Variants in FBLN1 observed in about 807,000 individuals in gnomAD.
FBLN1 encodes fibulin-1.
A neutral mutation model predicts 89.7 loss-of-function variants in FBLN1; 34 were observed. The observed-to-expected ratio is 0.38, with a 90% CI of 0.29 to 0.50. The LOEUF (loss-of-function observed/expected upper bound fraction) is 0.50. Ranked by LOEUF, FBLN1 falls within the 20% of genes least tolerant of loss-of-function variation. The probability of loss-of-function intolerance (pLI) is 0.92; values close to 1 mark genes in which losing one functional copy is unlikely to be tolerated. For synonymous variants in FBLN1, 393 were observed against 391.3 expected (o/e 1.00, Z -0.05); for missense variants, 777 against 988.1 (o/e 0.79, Z 2.86).
At chr22:45,523,636 G>A (rs563353271) in intron 2 of FBLN1, among the ~76,000 whole-genome samples, 5 of 152,250 alleles carry the variant, frequency 3.3e-5, no homozygotes, top group East Asian at 1.9e-4. Context: ...CCCAGGAAGC[G>A]GAGGTTGCAG....
At chr22:45,593,884 G>C (rs1481446230) in intron 16 of FBLN1, among the ~76,000 whole-genome samples, 2 of 152,200 alleles carry the variant, frequency 1.3e-5, no homozygotes, top group Non-Finnish European at 2.9e-5. Flanking sequence ...GCCTGCCAGG[G>C]CCTGGGTTGG....
intron 1 of FBLN1, chr22:45,517,735 T>C (rs1232508833): frequency 2.3e-6 from 1 of 426,882 alleles, no homozygotes; most frequent in African/African-American, 2.1e-5. Context: ...AGCCTCGGTT[T>C]CCTCAATCTG....
chr22:45,563,177 C>G lies in FBLN1; in HGVS notation c.1698-11334C>G. The G allele has an allele frequency of 6.2e-7, 1 of 1,613,762 alleles. No homozygotes were observed. Among genetic ancestry groups the G allele is most frequent in the Non-Finnish European group, 8.5e-7 (1 of 1,180,022 alleles). On this transcript the variant is annotated intron_variant, in intron 14 of 16. Transcript: ENST00000327858. The surrounding 1 kb of genome is among the most constrained non-coding windows in gnomAD (Gnocchi z 5.7). ...GCCTGTCCCCGAGCCCAGGGACTTG[C>G]TCCTGACCGTCAAGATGGATCTCTC... is the stretch of plus-strand genomic sequence containing the variant.
At chr22:45,587,605 C>T (rs996716874) in intron 16 of FBLN1, among the ~76,000 whole-genome samples, 1 of 152,014 alleles carries the variant, frequency 6.6e-6, no homozygotes, top group South Asian at 2.1e-4. Context: ...CTCAGGGATG[C>T]GTGGGCTCCA....
intron 14 of FBLN1, among the ~76,000 whole-genome samples, chr22:45,570,547 G>A (rs147176306): frequency 1.7e-3 from 256 of 152,050 alleles, no homozygotes; most frequent in African/African-American, 5.8e-3. Context: ...AGAACAACAA[G>A]TTTTAAAAAT....
chr22:45,564,733 A>G, intron 14 of FBLN1: 2 of 907,276 alleles, frequency 2.2e-6, no homozygotes, highest in Admixed American at 2.0e-5. Context: ...GGTCTATCTC[A>G]TTCAGTGCGG....
At position 45,537,296 on chromosome 22, in the gene FBLN1, A is replaced by G. The variant is rs2088494876; in HGVS notation, c.922+1959A>G. Among the ~76,000 whole-genome samples the G allele has an allele frequency of 6.6e-6, 1 of 152,180 alleles. No individual in the cohort carries two copies. The highest frequency in any genetic ancestry group is 6.5e-5 in the Admixed American group (1 of 15,286). ...GGAGAGAGAGCTCTTCCCCCACTGCATTATTTTTAACCACTGAGATATTTA... is the reference window on the plus strand; with the variant it reads ...GGAGAGAGAGCTCTTCCCCCACTGCGTTATTTTTAACCACTGAGATATTTA... On this transcript the variant is annotated intron_variant, in intron 8 of 16. Coordinates refer to ENST00000327858, the MANE Select transcript of FBLN1 (RefSeq NM_006486.3). This position sits in a 1 kb window ranked among gnomAD's most constrained non-coding sequence, Gnocchi z 5.7.
At position 45,577,152 on chromosome 22, in the gene FBLN1, C is replaced by G; in HGVS notation, c.1972+44C>G. On this transcript the variant is annotated intron_variant, in intron 16 of 16. Transcript: ENST00000327858. This position sits in a 1 kb window ranked among gnomAD's most constrained non-coding sequence, Gnocchi z 6.6. ...CAGCTCTATCCAGGCACCCCTCCCC[C>G]TCCACCCCGAAACCCTCTCTGGCCC... is the stretch of plus-strand genomic sequence containing the variant. 6.2e-7 allele frequency: 1 copy of G among 1,609,972 alleles called. No individual in the cohort carries two copies. Among genetic ancestry groups the G allele is most frequent in the Admixed American group, 1.7e-5 (1 of 60,010 alleles).
intron 2 of FBLN1, among the ~76,000 whole-genome samples, chr22:45,519,865 GGTT>G (rs1226030918): frequency 7.9e-5 from 12 of 151,434 alleles, no homozygotes; most frequent in African/African-American, 2.9e-4. Context: ...TCCTTTCTGG[GGTT>G]GTTATAATGA....
chr22:45,522,576 G>A (rs1389131604), intron 2 of FBLN1, among the ~76,000 whole-genome samples: 3 of 152,202 alleles, frequency 2.0e-5, no homozygotes, highest in Non-Finnish European at 4.4e-5. Context: ...CTGTAGCCAA[G>A]CAGGGGTTAA....
rs2088169743 is a variant in FBLN1, at chr22:45,516,355, G to A, written c.80-2327G>A. ...CAGGGGAGAGCAGCCTCGCTGTCAG[G>A]CCACATGGCTGGATCACATCCTGTT... On this transcript the variant is annotated intron_variant, in intron 1 of 16. Coordinates refer to ENST00000327858, the MANE Select transcript of FBLN1 (RefSeq NM_006486.3). Among the ~76,000 whole-genome samples the A allele has an allele frequency of 2.0e-5, 3 of 152,298 alleles. No individual in the cohort carries two copies. In the South Asian group the frequency reaches 6.2e-4, roughly 32 times the overall value.
Position 45,600,413 on chromosome 22 carries a change from C to T in FBLN1, c.2079C>T (p.Asn693=), listed in dbSNP as rs61739202. ...GGVVSHRNVV[N]VHIFVSEYWF ...TGGTCTCCCACCGAAATGTTGTCAA[C>T]GTCCACATCTTCGTCTCTGAGTACT... The change falls in exon 17 of 17, where the codon AAC becomes AAT. Residue 693 remains asparagine (N), a synonymous_variant. Transcript: ENST00000327858. 9,723 of 1,614,174 alleles carry T rather than the reference C, an allele frequency of 6.0e-3. 434 individuals carry two copies. In the African/African-American group the frequency reaches 0.11, roughly 18 times the overall value.
chr22:45,541,372 G>C lies in FBLN1; in HGVS notation c.1066G>C (p.Asp356His). 1 of 1,614,206 alleles carries C rather than the reference G, an allele frequency of 6.2e-7. No individual in the cohort carries two copies. Among genetic ancestry groups the C allele is most frequent in the Non-Finnish European group, 8.5e-7 (1 of 1,180,040 alleles). The stretch of plus-strand genomic sequence containing the variant: ...CAACGAGGAGGGAACGCGCTGTGTT[G>C]GTTGGTATTAAGAAAACAAATCTGA... ...HLNEEGTRCVDVDECAPPAEP... is the reference protein window; with the variant it reads ...HLNEEGTRCVHVDECAPPAEP... The change falls in exon 9 of 17, where the codon GAT (aspartate) becomes CAT (histidine). Residue 356 changes from aspartate (D) to histidine (H), a missense_variant and splice_region_variant. Physicochemically the swap from Asp to His is moderately conservative, Grantham distance 81 (BLOSUM62 -1). Coordinates refer to ENST00000327858, the MANE Select transcript of FBLN1 (RefSeq NM_006486.3).
intron 2 of FBLN1, among the ~76,000 whole-genome samples, chr22:45,521,529 G>A (rs537683383): frequency 5.9e-5 from 9 of 152,330 alleles, no homozygotes; most frequent in Admixed American, 1.3e-4. Flanking sequence ...GGTGCTGTCC[G>A]CTGCCCTCCA....
At chr22:45,506,456 A>G (rs2088022546) in intron 1 of FBLN1, among the ~76,000 whole-genome samples, 1 of 152,196 alleles carries the variant, frequency 6.6e-6, no homozygotes, top group East Asian at 1.9e-4. Flanking sequence ...GAAAGGAGAG[A>G]GACCCAGTTT....
chr22:45,504,087 C>G (rs1247525149), intron 1 of FBLN1, among the ~76,000 whole-genome samples: 1 of 152,158 alleles, frequency 6.6e-6, no homozygotes, highest in Non-Finnish European at 1.5e-5. Context: ...AGACCACCCT[C>G]AGAATCCGAG....
chr22:45,542,297 C>G lies in FBLN1; in HGVS notation c.1195+14C>G, dbSNP rs780739117. On this transcript the variant is annotated intron_variant, in intron 10 of 16. Transcript: ENST00000327858. ...GGATGTGTGTCGGTGCGTGGGGGGCCCCGCAGGCCTCGGGGGAACCCAGCC... is the reference window on the plus strand; with the variant it reads ...GGATGTGTGTCGGTGCGTGGGGGGCGCCGCAGGCCTCGGGGGAACCCAGCC... The G allele has an allele frequency of 6.2e-7, 1 of 1,613,448 alleles. No individual in the cohort carries two copies. Among genetic ancestry groups the G allele is most frequent in the Non-Finnish European group, 8.5e-7 (1 of 1,180,032 alleles).
At chr22:45,552,985 C>T (rs766360708) in intron 14 of FBLN1, among the ~76,000 whole-genome samples, 3 of 152,210 alleles carry the variant, frequency 2.0e-5, no homozygotes, top group Admixed American at 6.5e-5. Context: ...CCTTGGTTGC[C>T]GCTTCCCGGG....
intron 1 of FBLN1, among the ~76,000 whole-genome samples, chr22:45,512,691 C>T (rs556279626): frequency 2.3e-4 from 35 of 152,338 alleles, no homozygotes; most frequent in African/African-American, 7.9e-4. Flanking sequence ...CAGGCCCTTC[C>T]CCACTCCCAT....
Sources: allele counts gnomAD v4.1 joint callset (sites outside exome capture counted in the v4.1 genomes callset), GRCh38; gene constraint gnomAD v4.1.1; non-coding constraint Gnocchi (gnomAD v3.1); transcripts MANE v1.5; gene names NCBI Gene and HGNC (gene_info 2026-07-23, HGNC 2026-07-21).